The following NBEAL1 variants were observed in gnomAD, a reference collection of about 807,000 sequenced individuals.
NBEAL1 encodes the protein neurobeachin like 1, also known as neurobeachin-like protein 1.
Under a neutral mutation model 351.3 loss-of-function variants are expected in NBEAL1, and 273 were observed. That is an observed-to-expected ratio of 0.78 (90% CI 0.70 to 0.86). The LOEUF (loss-of-function observed/expected upper bound fraction) is 0.86. Among genes scored for constraint, NBEAL1 ranks in the 40% least tolerant of loss-of-function variants. The pLI, the probability that NBEAL1 is intolerant of heterozygous loss-of-function variation, is 0.00. For synonymous variants in NBEAL1, 1,050 were observed against 1,086.4 expected, an observed-to-expected ratio of 0.97 and a Z score of 0.66; for missense variants, 2,961 against 3,201.3, an observed-to-expected ratio of 0.92 and a Z score of 1.81.
chr2:203,049,955 GTTCTTCAT>G lies in NBEAL1; in HGVS notation c.287_294del (p.Phe96TyrfsTer19). 4 of 1,552,764 alleles carry G rather than the reference GTTCTTCAT, an allele frequency of 2.6e-6. No individual in the cohort carries two copies. Among genetic ancestry groups the G allele is most frequent in the Non-Finnish European group, 3.5e-6 (4 of 1,147,136 alleles). On this transcript the variant is annotated frameshift_variant, in exon 4 of 56. Coordinates refer to ENST00000683969, the MANE Select transcript of NBEAL1 (RefSeq NM_001378026.1). LOFTEE classifies it high-confidence loss of function. Reference sequence around the variant, plus strand: ...AAGCCTTGTCAATTTTGCTTGTCAAGTTCTTCATTATTCTTTGCAGGTATCTAGTAGAA... The same window carrying G: ...AAGCCTTGTCAATTTTGCTTGTCAAGTATTCTTTGCAGGTATCTAGTAGAA...
At chr2:203,174,958 GTATT>G (rs1186525820) in intron 41 of NBEAL1, among the ~76,000 whole-genome samples, 185 bp from the exon 42 acceptor site, 1 of 151,930 alleles carries the variant, frequency 6.6e-6, no homozygotes, top group East Asian at 1.9e-4. Flanking sequence ...TCAGAAAAAA[GTATT>G]AAGCAATAAA....
intron 31 of NBEAL1, among the ~76,000 whole-genome samples, chr2:203,144,160 G>A (rs1575037592): frequency 7.0e-6 from 1 of 142,092 alleles, no homozygotes; most frequent in South Asian, 2.2e-4. Flanking sequence ...GCCGTGAGCC[G>A]AGATCAAGCC....
At chr2:203,154,264 G>A (rs1410095553) in intron 35 of NBEAL1, among the ~76,000 whole-genome samples, 13 of 151,364 alleles carry the variant, frequency 8.6e-5, no homozygotes, top group African/African-American at 3.2e-4. Context: ...TACTCCAAGT[G>A]TAATAGTGAC....
chr2:203,099,632 T>C lies in NBEAL1; in HGVS notation c.1189T>C (p.Phe397Leu), dbSNP rs542398658. 64 of 1,543,164 alleles carry C rather than the reference T, an allele frequency of 4.1e-5. No individual in the cohort carries two copies. The East Asian group carries it at 1.5e-3, about 37-fold the overall frequency. Reference sequence around the variant, plus strand: ...GTTTCCCCTTCCCCCTCAATAGGTGTTTCAGGGACAATTGGATTGTTTGGC... The same window carrying C: ...GTTTCCCCTTCCCCCTCAATAGGTGCTTCAGGGACAATTGGATTGTTTGGC... ...LLTEMNEDQV[F>L]QGQLDCLAIS... is the part of the protein sequence containing the mutation. The change falls in exon 12 of 56, where the codon TTT becomes CTT. Residue 397 changes from phenylalanine to leucine, a missense_variant. Physicochemically the swap from Phe to Leu is conservative, Grantham distance 22. Coordinates refer to ENST00000683969, the MANE Select transcript of NBEAL1 (RefSeq NM_001378026.1).
In NBEAL1 at chr2:203,224,630, C is replaced by G. The variant is rs537121310; in HGVS notation, c.*7276C>G. Reference sequence around the variant, plus strand: ...CAGAATGACTTGTTTTTTGAAAGTACTTGGAAATTGTGCTGCTACTTAAAT... The same window carrying G: ...CAGAATGACTTGTTTTTTGAAAGTAGTTGGAAATTGTGCTGCTACTTAAAT... On this transcript the variant is annotated 3_prime_UTR_variant, in exon 56 of 56. Transcript: ENST00000683969. Among the ~76,000 whole-genome samples the G allele has an allele frequency of 6.6e-6, 1 of 152,078 alleles. No individual in the cohort carries two copies. The highest frequency in any genetic ancestry group is 1.5e-5 in the Non-Finnish European group (1 of 67,968).
At chr2:203,197,220 C>T in intron 47 of NBEAL1, 82 bp from the exon 48 acceptor site, 1 of 741,658 alleles carries the variant, frequency 1.3e-6, no homozygotes, top group Non-Finnish European at 2.3e-6. Flanking sequence ...AGGATTCATC[C>T]TTATTTAAAG....
intron 2 of NBEAL1, among the ~76,000 whole-genome samples, chr2:203,034,435 G>A (rs115059273): frequency 6.9e-6 from 1 of 145,316 alleles, no homozygotes; most frequent in African/African-American, 2.5e-5. Context: ...GGGATCACCT[G>A]TGTGAGTCAC....
rs961553661 is a variant in NBEAL1 at position 203,220,399 on chromosome 2, G to T, written c.*3045G>T. ...CTCAGGAGGCTGAGGCAGGAGAATC[G>T]CTTGAACCCAGGAGGCAGAGGTTGC... On this transcript the variant is annotated 3_prime_UTR_variant, in exon 56 of 56. Coordinates refer to ENST00000683969, the MANE Select transcript of NBEAL1 (RefSeq NM_001378026.1). Among the ~76,000 whole-genome samples, 3 of 151,714 alleles carry T rather than the reference G, an allele frequency of 2.0e-5. No homozygotes were observed. The highest frequency in any genetic ancestry group is 2.9e-5 in the Non-Finnish European group (2 of 67,950).
intron 33 of NBEAL1, among the ~76,000 whole-genome samples, chr2:203,148,215 G>T (rs2063557667): frequency 6.6e-6 from 1 of 151,936 alleles, no homozygotes; most frequent in Non-Finnish European, 1.5e-5. Context: ...TCTTTATTAT[G>T]ACAGTTATTG....
In NBEAL1 at chr2:203,116,037, G is replaced by C. The variant is rs763823399; in HGVS notation, c.2559G>C (p.Leu853=). ...WKCQESDMAD[L]PGNILLYYTA... ...GTCAAGAGTCTGACATGGCCGACCT[G>C]CCTGGTAACATCCTTCTTTACTACA... The change falls in exon 18 of 56, where the codon CTG becomes CTC. Residue 853 remains leucine (L), a synonymous_variant. Transcript: ENST00000683969. 20 of 1,553,688 alleles carry C rather than the reference G, an allele frequency of 1.3e-5. No homozygotes were observed. The highest frequency in any genetic ancestry group is 2.4e-5 in the East Asian group (1 of 41,518).
intron 51 of NBEAL1, among the ~76,000 whole-genome samples, chr2:203,205,604 T>C (rs949597572): frequency 6.6e-6 from 1 of 152,232 alleles, no homozygotes; most frequent in African/African-American, 2.4e-5. Flanking sequence ...CTTGAATTTT[T>C]ATAATAAACC....
chr2:203,057,377 G>T lies in NBEAL1; in HGVS notation c.439G>T (p.Glu147Ter). Reference sequence around the variant, plus strand: ...AATGGCAGATCAGACATGTATTGAAGAATTTGTGATCCACGCATTGGCATT... The same window carrying T: ...AATGGCAGATCAGACATGTATTGAATAATTTGTGATCCACGCATTGGCATT... The part of the protein sequence containing the change: ...KEMADQTCIE[E>*]FVIHALAFCE... Residue 147 changes from glutamate to a stop codon, truncating the protein, a stop_gained, in exon 6 of 56, where the codon GAA becomes TAA. Coordinates refer to ENST00000683969, the MANE Select transcript of NBEAL1 (RefSeq NM_001378026.1). LOFTEE classifies it high-confidence loss of function. 2.6e-6 allele frequency: 4 copies of T among 1,552,246 alleles called. No individual in the cohort carries two copies. Among genetic ancestry groups the T allele is most frequent in the Non-Finnish European group, 3.5e-6 (4 of 1,146,542 alleles).
At chr2:203,039,973 A>G (rs913619385) in intron 2 of NBEAL1, 3 of 518,028 alleles carry the variant, frequency 5.8e-6, no homozygotes, top group Non-Finnish European at 3.4e-6. Flanking sequence ...TGGAGGGAAC[A>G]TGATAAGGTA....
intron 46 of NBEAL1, among the ~76,000 whole-genome samples, chr2:203,192,881 G>A (rs1030153278): frequency 6.6e-6 from 1 of 150,588 alleles, no homozygotes; most frequent in Non-Finnish European, 1.5e-5. Context: ...CATGAAAGTT[G>A]AGGAAGAACA....
At chr2:203,057,968 C>T (rs1163573927) in intron 6 of NBEAL1, among the ~76,000 whole-genome samples, 3 of 151,798 alleles carry the variant, frequency 2.0e-5, no homozygotes, top group Non-Finnish European at 2.9e-5. Flanking sequence ...CTTAGCCTAC[C>T]GAGTAGCTGG....
At chr2:203,051,661 A>G (rs1209391875) in intron 4 of NBEAL1, among the ~76,000 whole-genome samples, 2 of 152,308 alleles carry the variant, frequency 1.3e-5, no homozygotes, top group African/African-American at 4.8e-5. Flanking sequence ...GCTGAAATCA[A>G]AAATCCTACA....
rs376506841 is a variant in NBEAL1, at chr2:203,217,256, C to A, written c.8074C>A (p.Arg2692Ser). 7.0e-6 allele frequency: 11 copies of A among 1,569,820 alleles called. No homozygotes were observed. Among genetic ancestry groups the A allele is most frequent in the Non-Finnish European group, 8.6e-6 (10 of 1,159,546 alleles). Residue 2692 changes from arginine to serine, a missense_variant, in exon 56 of 56, where the codon CGT (arginine) becomes AGT (serine). Coordinates refer to ENST00000683969, the MANE Select transcript of NBEAL1 (RefSeq NM_001378026.1). ...VVGVGKPAEM[R>S]SGQLSRKFWG... ...TTCTTTGGATTACTTTACACAGATG[C>A]GTTCAGGTCAGCTTTCTCGAAAATT... is the stretch of plus-strand genomic sequence containing the variant.
intron 31 of NBEAL1, among the ~76,000 whole-genome samples, chr2:203,140,416 T>C (rs1173251764): frequency 2.0e-5 from 3 of 152,202 alleles, no homozygotes; most frequent in Non-Finnish European, 4.4e-5. Flanking sequence ...TCTTGTTCTA[T>C]GAATATATCT....
chr2:203,170,781 T>G (rs1449723219), intron 39 of NBEAL1, among the ~76,000 whole-genome samples: 1 of 152,218 alleles, frequency 6.6e-6, no homozygotes, highest in Non-Finnish European at 1.5e-5. Context: ...ACTTTATTCT[T>G]TAAGTGCTGA....
Sources: gnomAD v4.1 joint callset for allele counts (sites outside exome capture counted in the v4.1 genomes callset) on GRCh38, gnomAD v4.1.1 for gene constraint, MANE v1.5 for transcripts, NCBI Gene and HGNC (gene_info 2026-07-23, HGNC 2026-07-21) for gene names.